Variants in CSMD1 observed in about 807,000 individuals in gnomAD.
CSMD1 encodes the protein CUB and sushi domain-containing protein 1.
Under a neutral mutation model 417.5 loss-of-function variants are expected in CSMD1, and 213 were observed. The ratio of observed to expected loss-of-function variants is 0.51; its 90% CI spans 0.46 to 0.57. The LOEUF (loss-of-function observed/expected upper bound fraction) is 0.57. Ranked by LOEUF, CSMD1 falls within the 20% of genes least tolerant of loss-of-function variation. The pLI is 0.00. For missense variants in CSMD1, 6,923 were observed against 4,529.7 expected (o/e 1.53, Z -15.17); for synonymous variants, 2,862 against 1,736.8 (o/e 1.65, Z -16.11).
intron 3 of CSMD1, among the ~76,000 whole-genome samples, chr8:4,320,411 A>T (rs1300198414): frequency 6.6e-6 from 1 of 152,118 alleles, no homozygotes; most frequent in Non-Finnish European, 1.5e-5. Context: ...TAGAATGTGC[A>T]GGTTTGTGAC....
At chr8:3,405,110 A>G (rs1812268091) in intron 15 of CSMD1, among the ~76,000 whole-genome samples, 1 of 152,222 alleles carries the variant, frequency 6.6e-6, no homozygotes, top group African/African-American at 2.4e-5. Context: ...CAGTTTCTAC[A>G]TAACCTTTTC....
At chr8:4,165,127 T>C (rs576269291) in intron 3 of CSMD1, among the ~76,000 whole-genome samples, 1 of 152,298 alleles carries the variant, frequency 6.6e-6, no homozygotes, top group East Asian at 1.9e-4. Context: ...GGTGCATGCA[T>C]GACAGGTATC....
chr8:4,865,313 A>AG (rs751108722), intron 1 of CSMD1, among the ~76,000 whole-genome samples: 2 of 151,882 alleles, frequency 1.3e-5, no homozygotes, highest in East Asian at 3.9e-4. Context: ...TAAAGAGAAA[A>AG]TCTCATTAAG....
At position 3,365,047 on chromosome 8, in the gene CSMD1, C is replaced by A. The variant is rs1026449148; in HGVS notation, c.3115+1985G>T. On this transcript the variant is annotated intron_variant, in intron 20 of 69. Coordinates refer to ENST00000635120, the MANE Select transcript of CSMD1 (RefSeq NM_033225.6). ...TTTTTTGGAGAAGTCTATTTAAATT[C>A]ATTTTGGGTCCTGATGAAAGTAAGA... Among the ~76,000 whole-genome samples the A allele has an allele frequency of 1.3e-5, 2 of 152,090 alleles. 1 individual carries two copies. Among genetic ancestry groups the A allele is most frequent in the Admixed American group, 1.3e-4 (2 of 15,274 alleles).
At chr8:4,730,139 G>A (rs755173634) in intron 1 of CSMD1, among the ~76,000 whole-genome samples, 1 of 152,104 alleles carries the variant, frequency 6.6e-6, no homozygotes, top group African/African-American at 2.4e-5. Flanking sequence ...AGTACTTGGA[G>A]AGATTCCCAG....
chr8:4,738,403 A>C (rs1355026042), intron 1 of CSMD1, among the ~76,000 whole-genome samples: 1 of 152,198 alleles, frequency 6.6e-6, no homozygotes, highest in East Asian at 1.9e-4. Context: ...AAATGGTGGC[A>C]GAAGGAGAAG....
chr8:3,228,712 G>C (rs1798657714), intron 27 of CSMD1, among the ~76,000 whole-genome samples: 1 of 151,820 alleles, frequency 6.6e-6, no homozygotes. Flanking sequence ...TTACTTTTAA[G>C]GGATTAACTC....
Position 3,209,677 on chromosome 8 carries a change from G to T in CSMD1, c.4868-4057C>A, listed in dbSNP as rs1424193576. Among the ~76,000 whole-genome samples, 3 of 152,046 alleles carry T rather than the reference G, an allele frequency of 2.0e-5. No homozygotes were observed. In the East Asian group the frequency reaches 5.8e-4, roughly 29 times the overall value. ...CTGTGCTAATCTAAGAAACAGGCCT[G>T]GTGCTTCTCACCTTAGAAGTTATTT... On this transcript the variant is annotated intron_variant, in intron 30 of 69. Coordinates refer to ENST00000635120, the MANE Select transcript of CSMD1 (RefSeq NM_033225.6).
chr8:4,031,509 T>C (rs72624011), intron 4 of CSMD1, among the ~76,000 whole-genome samples: 22,770 of 152,156 alleles, frequency 0.15, 2,432 homozygotes, highest in East Asian at 0.39. Flanking sequence ...TTCTACCAGG[T>C]TCCTCCCACA....
intron 3 of CSMD1, among the ~76,000 whole-genome samples, chr8:4,216,728 T>G (rs1563288914): frequency 6.6e-6 from 1 of 152,164 alleles, no homozygotes; most frequent in Non-Finnish European, 1.5e-5. Flanking sequence ...TATAAACGAA[T>G]GGAGATGTTT....
intron 25 of CSMD1, among the ~76,000 whole-genome samples, chr8:3,295,694 G>A (rs1177857013): frequency 6.6e-6 from 1 of 152,112 alleles, no homozygotes; most frequent in Non-Finnish European, 1.5e-5. Flanking sequence ...GGTAATGTAT[G>A]TATTGCCCTT....
At chr8:3,755,410 A>C (rs1205705392) in intron 5 of CSMD1, among the ~76,000 whole-genome samples, 3 of 152,218 alleles carry the variant, frequency 2.0e-5, no homozygotes, top group Admixed American at 6.5e-5. Context: ...GCACTGAATA[A>C]TTATTTTGCA....
At chr8:4,518,321 C>T (rs1803236232) in intron 2 of CSMD1, among the ~76,000 whole-genome samples, 1 of 152,120 alleles carries the variant, frequency 6.6e-6, no homozygotes, top group Admixed American at 6.5e-5. Context: ...AAGCTTCCAT[C>T]TTCAGGATAA....
At chr8:3,338,767 T>C (rs1307395500) in intron 23 of CSMD1, among the ~76,000 whole-genome samples, 17 of 152,192 alleles carry the variant, frequency 1.1e-4, no homozygotes, top group South Asian at 2.1e-4. Context: ...TATGGAATTG[T>C]GGCAGCTCTA....
chr8:4,371,807 C>G (rs530574865), intron 3 of CSMD1, among the ~76,000 whole-genome samples: 2 of 152,174 alleles, frequency 1.3e-5, no homozygotes, highest in Admixed American at 6.5e-5. Context: ...GTTGGACTGC[C>G]AAGCAATTGT....
At chr8:4,822,336 G>C (rs780379156) in intron 1 of CSMD1, among the ~76,000 whole-genome samples, 4 of 152,066 alleles carry the variant, frequency 2.6e-5, no homozygotes, top group African/African-American at 4.8e-5. Flanking sequence ...TGAAATCTAG[G>C]TTTATGTTTA....
intron 3 of CSMD1, among the ~76,000 whole-genome samples, chr8:4,064,355 T>G (rs1328614442): frequency 6.6e-6 from 1 of 152,198 alleles, no homozygotes; most frequent in African/African-American, 2.4e-5. Context: ...TCACAAATTG[T>G]ATCTCTGTTT....
At chr8:4,352,577 T>G (rs1258772419) in intron 3 of CSMD1, among the ~76,000 whole-genome samples, 2 of 152,248 alleles carry the variant, frequency 1.3e-5, no homozygotes, top group African/African-American at 4.8e-5. Context: ...TCCATGTAAC[T>G]TCATTTTGCA....
At chr8:3,891,815 G>T (rs1585149841) in intron 5 of CSMD1, among the ~76,000 whole-genome samples, 1 of 152,042 alleles carries the variant, frequency 6.6e-6, no homozygotes, top group Non-Finnish European at 1.5e-5. Flanking sequence ...ATTTCTACAA[G>T]CCTAATTCTC....
Sources: gnomAD v4.1 joint callset for allele counts (sites outside exome capture counted in the v4.1 genomes callset) on GRCh38, gnomAD v4.1.1 for gene constraint, MANE v1.5 for transcripts, NCBI Gene and HGNC (gene_info 2026-07-23, HGNC 2026-07-21) for gene names.